The following FAM204A variants were observed in gnomAD, a reference collection of about 807,000 sequenced individuals.
FAM204A encodes protein FAM204A.
A neutral mutation model predicts 35.4 loss-of-function variants in FAM204A; 16 were observed. The ratio of observed to expected loss-of-function variants is 0.45; its 90% CI spans 0.31 to 0.69. The LOEUF is 0.69. Ranked by LOEUF, FAM204A falls within the 30% of genes least tolerant of loss-of-function variation. The probability of loss-of-function intolerance (pLI) is 0.07; values close to 1 mark genes in which losing one functional copy is unlikely to be tolerated. For missense variants in FAM204A, 240 were observed against 265.7 expected (o/e 0.90, Z 0.67); for synonymous variants, 76 against 86.9 (o/e 0.88, Z 0.70).
In FAM204A at chr10:118,304,425, C is replaced by T. The variant is rs1845840560; in HGVS notation, c.*6432G>A. 1.3e-5 allele frequency: 2 copies of T among 152,406 alleles called. No homozygotes were observed. The highest frequency in any genetic ancestry group is 2.4e-5 in the African/African-American group (1 of 41,454). The allele number at this position is 152,406 out of a possible 1,614,324, so 9.4% of individuals were successfully genotyped here. A position where few individuals can be genotyped will look rare whatever the true frequency, so the allele number is the denominator to read the frequency against. On this transcript the variant is annotated 3_prime_UTR_variant, in exon 9 of 9. Coordinates refer to ENST00000369183, the MANE Select transcript of FAM204A (RefSeq NM_022063.3). ...TTCATCCCACATCACCATCCATAGA[C>T]ACCCAACTCTTCCCCGCACAAGTCC... is the stretch of plus-strand genomic sequence containing the variant.
chr10:118,326,319 T>C, intron 6 of FAM204A, 76 bp from the exon 7 acceptor site: 1 of 1,194,544 alleles, frequency 8.4e-7, no homozygotes, highest in Non-Finnish European at 1.2e-6. Context: ...TGTCACAGAA[T>C]TATACTGAAT....
chr10:118,335,493 G>C, intron 4 of FAM204A, 61 bp downstream of exon 4: 1 of 1,599,730 alleles, frequency 6.3e-7, no homozygotes, highest in Non-Finnish European at 8.5e-7. Context: ...TTAAAAAAAT[G>C]GTTAAACTCA....
At position 118,329,509 on chromosome 10, in the gene FAM204A, C is replaced by T. The variant is rs1005335149; in HGVS notation, c.454-3266G>A. Among the ~76,000 whole-genome samples the T allele has an allele frequency of 3.3e-5, 5 of 152,156 alleles. No individual in the cohort carries two copies. The East Asian group carries it at 9.7e-4, about 29-fold the overall frequency. On this transcript the variant is annotated intron_variant, in intron 6 of 8. Coordinates refer to ENST00000369183, the MANE Select transcript of FAM204A (RefSeq NM_022063.3). ...AATATTAATCATCCCTTTAGGCTCACGTCGAATGTTACCTTCTCTATCTAC... is the reference window on the plus strand; with the variant it reads ...AATATTAATCATCCCTTTAGGCTCATGTCGAATGTTACCTTCTCTATCTAC...
In FAM204A at chr10:118,341,827, T is replaced by C; in HGVS notation, c.-109A>G. ...AGGCTTTCTGGCGGCAATGCCACAC[T>C]CCAATCCCAAAAGAGAGAGAAGCCC... On this transcript the variant is annotated 5_prime_UTR_variant, in exon 2 of 9. Coordinates refer to ENST00000369183, the MANE Select transcript of FAM204A (RefSeq NM_022063.3). 6.6e-6 allele frequency: 1 copy of C among 152,330 alleles called. No homozygotes were observed. The highest frequency in any genetic ancestry group is 1.5e-5 in the Non-Finnish European group (1 of 68,124). 9.4% of individuals were successfully genotyped at this position (152,330 alleles called of 1,614,324 possible). A position where few individuals can be genotyped will look rare whatever the true frequency, so the allele number is the denominator to read the frequency against.
rs1331967086 is a variant in FAM204A at position 118,298,752 on chromosome 10, T to C, written c.*12105A>G. ...AGTGATGAAATGTCTGGGGAAGAGGTTTCAGTCAACTGTCACTATCTTCGG... is the reference window on the plus strand; with the variant it reads ...AGTGATGAAATGTCTGGGGAAGAGGCTTCAGTCAACTGTCACTATCTTCGG... On this transcript the variant is annotated 3_prime_UTR_variant, in exon 9 of 9. Coordinates refer to ENST00000369183, the MANE Select transcript of FAM204A (RefSeq NM_022063.3). 6.6e-6 allele frequency: 1 copy of C among 152,184 alleles called. No individual in the cohort carries two copies. Among genetic ancestry groups the C allele is most frequent in the East Asian group, 1.9e-4 (1 of 5,192 alleles). The allele number at this position is 152,184 out of a possible 1,614,324, so 9.4% of individuals were successfully genotyped here.
rs1208275001 is a variant in FAM204A, at chr10:118,298,825, G to A, written c.*12032C>T. 6.6e-6 allele frequency: 1 copy of A among 152,074 alleles called. No individual in the cohort carries two copies. Among genetic ancestry groups the A allele is most frequent in the Non-Finnish European group, 1.5e-5 (1 of 68,028 alleles). 9.4% of individuals were successfully genotyped at this position (152,074 alleles called of 1,614,324 possible). On this transcript the variant is annotated 3_prime_UTR_variant, in exon 9 of 9. Coordinates refer to ENST00000369183, the MANE Select transcript of FAM204A (RefSeq NM_022063.3). Reference sequence around the variant, plus strand: ...CCTTTGCAAAGCCTTCACTGATTCGGGAACCTCAAATGCGTTTTCATTGTT... The same window carrying A: ...CCTTTGCAAAGCCTTCACTGATTCGAGAACCTCAAATGCGTTTTCATTGTT...
intron 7 of FAM204A, among the ~76,000 whole-genome samples, chr10:118,316,370 T>C (rs1846030718): frequency 6.6e-6 from 1 of 152,122 alleles, no homozygotes; most frequent in Non-Finnish European, 1.5e-5. Flanking sequence ...TCAAGACATC[T>C]ACATTTGAAC....
At chr10:118,337,464 C>A (rs1211742739) in intron 2 of FAM204A, among the ~76,000 whole-genome samples, 1 of 152,202 alleles carries the variant, frequency 6.6e-6, no homozygotes. Flanking sequence ...CTGAGACAAA[C>A]ACATCAGGGA....
intron 6 of FAM204A, among the ~76,000 whole-genome samples, chr10:118,333,226 T>C (rs1846320329): frequency 6.6e-6 from 1 of 152,184 alleles, no homozygotes; most frequent in Non-Finnish European, 1.5e-5. Flanking sequence ...GAAGTTTGTT[T>C]TGTTTTACCA....
chr10:118,311,224 C>CT lies in FAM204A; in HGVS notation c.632dup (p.Lys212GlufsTer8). On this transcript the variant is annotated frameshift_variant, in exon 8 of 9. Coordinates refer to ENST00000369183, the MANE Select transcript of FAM204A (RefSeq NM_022063.3). LOFTEE classifies it high-confidence loss of function. ...AAACTCACCCCCATGCAAGTTTCTT[C>CT]TTTTTTCGGGCAGCCTGTGAATTTT... The CT allele has an allele frequency of 6.2e-7, 1 of 1,610,018 alleles. No homozygotes were observed. The highest frequency in any genetic ancestry group is 1.1e-5 in the South Asian group (1 of 89,790).
At position 118,298,678 on chromosome 10, in the gene FAM204A, T is replaced by C. The variant is rs1210525892; in HGVS notation, c.*12179A>G. ...CAGACATTTTACAATGTACAGAGAT[T>C]ATTGTTACGTCCACATTATTATTTT... On this transcript the variant is annotated 3_prime_UTR_variant, in exon 9 of 9. Transcript: ENST00000369183. 6.6e-6 allele frequency: 1 copy of C among 152,206 alleles called. No individual in the cohort carries two copies. Among genetic ancestry groups the C allele is most frequent in the Non-Finnish European group, 1.5e-5 (1 of 68,044 alleles). 9.4% of individuals were successfully genotyped at this position (152,206 alleles called of 1,614,324 possible).
chr10:118,317,373 TTGTC>T (rs1371001091), intron 7 of FAM204A, among the ~76,000 whole-genome samples: 4 of 152,100 alleles, frequency 2.6e-5, no homozygotes, highest in African/African-American at 9.7e-5. Context: ...AAACTGTGCT[TTGTC>T]TGTCTCTTTA....
intron 7 of FAM204A, among the ~76,000 whole-genome samples, chr10:118,316,533 G>A (rs1161190577): frequency 6.6e-6 from 1 of 152,104 alleles, no homozygotes; most frequent in Non-Finnish European, 1.5e-5. Context: ...CTTAAAATGT[G>A]CATGCACAGG....
At chr10:118,319,681 C>T (rs1039552479) in intron 7 of FAM204A, among the ~76,000 whole-genome samples, 3 of 151,962 alleles carry the variant, frequency 2.0e-5, no homozygotes, top group Non-Finnish European at 2.9e-5. Flanking sequence ...AAAATTTTAT[C>T]GTATCATGAC....
intron 5 of FAM204A, 41 bp from the exon 6 acceptor site, chr10:118,335,254 T>C: frequency 1.3e-6 from 2 of 1,575,424 alleles, no homozygotes; most frequent in Non-Finnish European, 8.7e-7. Context: ...CAATATATAC[T>C]GTCTTTACTT....
chr10:118,334,335 CA>C (rs1461964923), intron 6 of FAM204A, among the ~76,000 whole-genome samples: 3 of 152,172 alleles, frequency 2.0e-5, no homozygotes, highest in Non-Finnish European at 4.4e-5. Flanking sequence ...CCATACGCCC[CA>C]AACCCTCCCT....
chr10:118,328,332 T>A (rs955902940), intron 6 of FAM204A, among the ~76,000 whole-genome samples: 1 of 152,148 alleles, frequency 6.6e-6, no homozygotes, highest in African/African-American at 2.4e-5. Context: ...ATTACCATTA[T>A]CAACTAAACT....
intron 7 of FAM204A, among the ~76,000 whole-genome samples, chr10:118,316,566 T>C (rs1846033734): frequency 6.6e-6 from 1 of 152,212 alleles, no homozygotes; most frequent in South Asian, 2.1e-4. Context: ...TGCACGTTTG[T>C]ATACTACATG....
At chr10:118,311,523 A>ACC in intron 7 of FAM204A, 1 of 450,974 alleles carries the variant, frequency 2.2e-6, no homozygotes, top group Non-Finnish European at 3.9e-6. Flanking sequence ...CCCTAGTTAT[A>ACC]CCAGTCTCCT....
Sources: gnomAD v4.1 joint callset for allele counts (sites outside exome capture counted in the v4.1 genomes callset) on GRCh38, gnomAD v4.1.1 for gene constraint, MANE v1.5 for transcripts, NCBI Gene and HGNC (gene_info 2026-07-23, HGNC 2026-07-21) for gene names.